GSK3B: variants seen among roughly 807,000 people sequenced by gnomAD.
GSK3B encodes the protein glycogen synthase kinase 3 beta.
Under a neutral mutation model 56.4 loss-of-function variants are expected in GSK3B, and 15 were observed. The observed-to-expected ratio is 0.27, with a 90% CI of 0.18 to 0.41. GSK3B has a LOEUF of 0.41. GSK3B is among the 10% of genes least tolerant of loss of function. The pLI, the probability that GSK3B is intolerant of heterozygous loss-of-function variation, is 1.00. For missense variants in GSK3B, 300 were observed against 513.4 expected (o/e 0.58, Z 4.02); for synonymous variants, 181 against 188.9 (o/e 0.96, Z 0.34).
chr3:119,939,776 T>C (rs974222066), intron 3 of GSK3B, among the ~76,000 whole-genome samples: 3 of 152,178 alleles, frequency 2.0e-5, no homozygotes, highest in African/African-American at 7.2e-5. Flanking sequence ...AATTGATATA[T>C]AGCAAGGATA....
rs1314996957 is a variant in GSK3B at position 119,873,797 on chromosome 3, T to C, written c.909+2616A>G. On this transcript the variant is annotated intron_variant, in intron 8 of 10. Transcript: ENST00000264235. ...AATCCCAGTAACACCCACTCTAGTA[T>C]GCACAAATGAGGAACCAACATAAGT... is the stretch of plus-strand genomic sequence containing the variant. Among the ~76,000 whole-genome samples, 4 of 152,298 alleles carry C rather than the reference T, an allele frequency of 2.6e-5. No individual in the cohort carries two copies. The East Asian group carries it at 5.8e-4, about 22-fold the overall frequency.
intron 1 of GSK3B, among the ~76,000 whole-genome samples, chr3:120,079,477 C>T (rs1393420626): frequency 6.6e-6 from 1 of 151,474 alleles, no homozygotes; most frequent in Non-Finnish European, 1.5e-5. Flanking sequence ...TCATTGCAAC[C>T]TCCACTTCCC....
chr3:119,886,644 T>C (rs908061404), intron 7 of GSK3B, among the ~76,000 whole-genome samples: 5 of 152,044 alleles, frequency 3.3e-5, no homozygotes, highest in Non-Finnish European at 7.4e-5. Flanking sequence ...AACAGTGGAC[T>C]AGATAAAGAA....
intron 9 of GSK3B, among the ~76,000 whole-genome samples, chr3:119,849,330 C>G (rs2055897866): frequency 6.6e-6 from 1 of 152,046 alleles, no homozygotes; most frequent in African/African-American, 2.4e-5. Flanking sequence ...TTGACAAGAA[C>G]AACTGAAAAA....
intron 9 of GSK3B, among the ~76,000 whole-genome samples, chr3:119,858,387 T>C (rs1435025964): frequency 6.6e-6 from 1 of 152,234 alleles, no homozygotes. Flanking sequence ...TGCTGCAGCT[T>C]CTATATCAGC....
chr3:119,891,490 T>C (rs1381388572), intron 7 of GSK3B, among the ~76,000 whole-genome samples: 1 of 152,126 alleles, frequency 6.6e-6, no homozygotes, highest in Non-Finnish European at 1.5e-5. Context: ...AATTCTACAT[T>C]TGGAACTTTT....
intron 4 of GSK3B, among the ~76,000 whole-genome samples, chr3:119,917,624 G>A (rs761246473): frequency 1.3e-5 from 2 of 148,996 alleles, no homozygotes; most frequent in East Asian, 3.9e-4. Flanking sequence ...GGGTATTGAT[G>A]TCTAGGTCTG....
chr3:120,003,738 A>T (rs908128380), intron 1 of GSK3B, among the ~76,000 whole-genome samples: 2 of 152,252 alleles, frequency 1.3e-5, no homozygotes, highest in African/African-American at 4.8e-5. Context: ...GTCTGTGACC[A>T]ATTAACACTT....
intron 2 of GSK3B, among the ~76,000 whole-genome samples, chr3:119,973,203 C>T (rs139146392): frequency 3.9e-5 from 6 of 152,328 alleles, no homozygotes; most frequent in East Asian, 3.9e-4. Flanking sequence ...CCCGCACTTT[C>T]GCTTTCCACA....
intron 1 of GSK3B, among the ~76,000 whole-genome samples, chr3:120,080,136 C>G (rs1241397425): frequency 6.6e-6 from 1 of 151,960 alleles, no homozygotes; most frequent in African/African-American, 2.4e-5. Context: ...ACAAAAAATA[C>G]AAAAATGAGC....
At chr3:119,954,205 A>T (rs1016110797) in intron 2 of GSK3B, among the ~76,000 whole-genome samples, 2 of 151,818 alleles carry the variant, frequency 1.3e-5, no homozygotes, top group African/African-American at 4.8e-5. Context: ...ATCAGCACTG[A>T]GAAGGAAGTG....
At chr3:119,921,653 C>T (rs1258888162) in intron 4 of GSK3B, among the ~76,000 whole-genome samples, 1 of 151,974 alleles carries the variant, frequency 6.6e-6, no homozygotes, top group Non-Finnish European at 1.5e-5. Context: ...AAAAGAGAAC[C>T]TATGGATTAA....
intron 3 of GSK3B, among the ~76,000 whole-genome samples, chr3:119,926,302 C>T (rs1168974718): frequency 6.6e-6 from 1 of 150,756 alleles, no homozygotes; most frequent in East Asian, 2.0e-4. Context: ...CCTTAATCAA[C>T]TCCCAGCCCC....
intron 7 of GSK3B, among the ~76,000 whole-genome samples, chr3:119,891,264 A>T (rs2056498537): frequency 6.6e-6 from 1 of 151,910 alleles, no homozygotes; most frequent in South Asian, 2.1e-4. Context: ...AAAGAGAATA[A>T]GGACTGGATT....
At chr3:119,906,004 C>A in intron 6 of GSK3B, 152 bp from the exon 7 acceptor site, 1 of 579,490 alleles carries the variant, frequency 1.7e-6, no homozygotes. Flanking sequence ...ATCAAACTTC[C>A]TTAATGTACT....
chr3:119,920,513 G>C (rs2056829284), intron 4 of GSK3B, among the ~76,000 whole-genome samples: 2 of 152,144 alleles, frequency 1.3e-5, no homozygotes, highest in South Asian at 4.1e-4. Context: ...CAAAATGCTG[G>C]ATTACAGGCA....
chr3:119,868,995 C>CAT (rs2056217248), intron 8 of GSK3B, among the ~76,000 whole-genome samples: 1 of 152,020 alleles, frequency 6.6e-6, no homozygotes, highest in Non-Finnish European at 1.5e-5. Context: ...ATATGTAGCA[C>CAT]ATAATTCAAT....
rs1018901339 is a variant in GSK3B, at chr3:119,912,576, T to C, written c.715+128A>G. 4 of 457,090 alleles carry C rather than the reference T, an allele frequency of 8.8e-6. 1 individual carries two copies. The highest frequency in any genetic ancestry group is 1.3e-4 in the South Asian group (2 of 15,670). The allele number at this position is 457,090 out of a possible 1,614,324, so 28.3% of individuals were successfully genotyped here. On this transcript the variant is annotated intron_variant, in intron 6 of 10. Coordinates refer to ENST00000264235, the MANE Select transcript of GSK3B (RefSeq NM_001146156.2). ...CTATACATGTTTGCATCTCAAGCTT[T>C]AAGAAAAAAAACATTATGGGATATA...
rs1032171634 is a variant in GSK3B at position 119,976,165 on chromosome 3, T to A, written c.282+25881A>T. On this transcript the variant is annotated intron_variant, in intron 2 of 10. Coordinates refer to ENST00000264235, the MANE Select transcript of GSK3B (RefSeq NM_001146156.2). ...ACAGCTGCTTTAGAAAATAGGTTAA[T>A]ATTTCTTCAAACTGTTAATCATTTA... Among the ~76,000 whole-genome samples, 4 of 152,330 alleles carry A rather than the reference T, an allele frequency of 2.6e-5. No individual in the cohort carries two copies. In the South Asian group the frequency reaches 8.3e-4, roughly 32 times the overall value.
Sources: allele counts gnomAD v4.1 joint callset (sites outside exome capture counted in the v4.1 genomes callset), GRCh38; gene constraint gnomAD v4.1.1; transcripts MANE v1.5; gene names NCBI Gene and HGNC (gene_info 2026-07-23, HGNC 2026-07-21).